Variants in IQCJ observed in about 807,000 individuals in gnomAD.
IQCJ encodes the protein IQ motif containing J.
In IQCJ, 9 loss-of-function variants were observed where a neutral mutation model predicts 11.0. That is an observed-to-expected ratio of 0.82 (90% CI 0.49 to 1.43). The LOEUF (loss-of-function observed/expected upper bound fraction) is 1.43. Among genes scored for constraint, IQCJ ranks in the 40% most tolerant of loss-of-function variants. IQCJ has a pLI of 0.00. For missense variants in IQCJ, 146 were observed against 133.2 expected (o/e 1.10, Z -0.47); for synonymous variants, 55 against 51.3 (o/e 1.07, Z -0.31).
chr3:159,156,883 C>T (rs1721553733), intron 1 of IQCJ, among the ~76,000 whole-genome samples: 1 of 152,134 alleles, frequency 6.6e-6, no homozygotes, highest in African/African-American at 2.4e-5. Flanking sequence ...ATTCATCTTC[C>T]AATTCAGCTA....
At chr3:159,134,484 G>A (rs1258154663) in intron 1 of IQCJ, among the ~76,000 whole-genome samples, 4 of 152,166 alleles carry the variant, frequency 2.6e-5, no homozygotes, top group African/African-American at 9.6e-5. Flanking sequence ...ATTTAGAATA[G>A]TTCTGCTTGT....
At chr3:159,171,392 T>C (rs1722479140) in intron 1 of IQCJ, among the ~76,000 whole-genome samples, 1 of 152,190 alleles carries the variant, frequency 6.6e-6, no homozygotes, top group Non-Finnish European at 1.5e-5. Context: ...AAAGAGCCCA[T>C]GAGTGCTTCT....
intron 1 of IQCJ, among the ~76,000 whole-genome samples, chr3:159,143,195 A>G (rs1334031680): frequency 1.3e-5 from 2 of 152,222 alleles, no homozygotes; most frequent in African/African-American, 4.8e-5. Context: ...AAATCACAGC[A>G]TCTTTGGTAG....
chr3:159,249,412 A>G (rs1727463557), intron 2 of IQCJ, among the ~76,000 whole-genome samples: 1 of 152,024 alleles, frequency 6.6e-6, no homozygotes, highest in African/African-American at 2.4e-5. Context: ...TTTTTTTTCA[A>G]TCCCGATTGA....
chr3:159,242,384 T>A (rs562528537), intron 1 of IQCJ, among the ~76,000 whole-genome samples: 1 of 152,144 alleles, frequency 6.6e-6, no homozygotes, highest in African/African-American at 2.4e-5. Flanking sequence ...TAGATCAGAG[T>A]TGAAGCAGCA....
At chr3:159,084,506 T>C (rs971438258) in intron 1 of IQCJ, among the ~76,000 whole-genome samples, 3 of 152,162 alleles carry the variant, frequency 2.0e-5, no homozygotes, top group African/African-American at 7.2e-5. Context: ...GACCTATCAC[T>C]GTGAGACATT....
intron 1 of IQCJ, among the ~76,000 whole-genome samples, chr3:159,235,925 G>A (rs984651722): frequency 3.3e-5 from 5 of 152,142 alleles, no homozygotes; most frequent in East Asian, 3.9e-4. Flanking sequence ...TTAATAATAA[G>A]TCCACTGTCG....
chr3:159,151,119 A>T (rs1007564850), intron 1 of IQCJ, among the ~76,000 whole-genome samples: 5 of 152,164 alleles, frequency 3.3e-5, no homozygotes, highest in Admixed American at 2.0e-4. Flanking sequence ...TGGGTGGCAG[A>T]TGTTCCCAGA....
chr3:159,128,135 A>C (rs1266404057), intron 1 of IQCJ, among the ~76,000 whole-genome samples: 1 of 152,190 alleles, frequency 6.6e-6, no homozygotes, highest in African/African-American at 2.4e-5. Flanking sequence ...GTTTGAATAA[A>C]CCACAGTCTA....
chr3:159,198,608 G>A (rs150921519), intron 1 of IQCJ, among the ~76,000 whole-genome samples: 2 of 152,278 alleles, frequency 1.3e-5, no homozygotes, highest in South Asian at 2.1e-4. Context: ...AGCTAGGAAG[G>A]GGATGAGTTA....
At chr3:159,175,131 A>G (rs1282305950) in intron 1 of IQCJ, among the ~76,000 whole-genome samples, 1 of 152,232 alleles carries the variant, frequency 6.6e-6, no homozygotes, top group Non-Finnish European at 1.5e-5. Context: ...GTACGATTCT[A>G]TGAGTTTTAA....
intron 2 of IQCJ, among the ~76,000 whole-genome samples, chr3:159,250,316 C>A: frequency 6.6e-6 from 1 of 152,040 alleles, no homozygotes; most frequent in Non-Finnish European, 1.5e-5. Context: ...TTAGGTCTGT[C>A]TTTGTTGCAT....
intron 3 of IQCJ, among the ~76,000 whole-genome samples, chr3:159,254,579 G>C (rs2595237): frequency 0.77 from 116,374 of 152,096 alleles, 45,653 homozygotes; most frequent in African/African-American, 0.91. Flanking sequence ...TTTGTCTGAT[G>C]TGGTTATTAA....
chr3:159,127,108 C>G (rs1033342404), intron 1 of IQCJ, among the ~76,000 whole-genome samples: 9 of 152,200 alleles, frequency 5.9e-5, no homozygotes, highest in African/African-American at 1.9e-4. Flanking sequence ...AATTTCATAA[C>G]AAGGAATTCC....
chr3:159,224,156 A>C (rs561551822), intron 1 of IQCJ, among the ~76,000 whole-genome samples: 3 of 152,108 alleles, frequency 2.0e-5, no homozygotes, highest in Non-Finnish European at 4.4e-5. Flanking sequence ...TGTCAGAGCA[A>C]ATAGCAACAA....
chr3:159,254,955 G>C (rs1311984748), intron 3 of IQCJ, among the ~76,000 whole-genome samples: 3 of 152,298 alleles, frequency 2.0e-5, no homozygotes, highest in African/African-American at 7.2e-5. Flanking sequence ...CCCTTGCTCT[G>C]CGGGGGCTTT....
At chr3:159,260,527 C>A (rs543790011) in intron 3 of IQCJ, among the ~76,000 whole-genome samples, 4 of 152,228 alleles carry the variant, frequency 2.6e-5, no homozygotes, top group Admixed American at 2.6e-4. Context: ...CTCTGGGATA[C>A]CCCAAGCAAC....
intron 1 of IQCJ, among the ~76,000 whole-genome samples, chr3:159,104,409 T>C (rs1173565411): frequency 6.6e-6 from 1 of 152,232 alleles, no homozygotes; most frequent in Non-Finnish European, 1.5e-5. Flanking sequence ...TGATGTGTGA[T>C]TCTTTATAAA....
intron 1 of IQCJ, among the ~76,000 whole-genome samples, chr3:159,121,173 G>A (rs541079499): frequency 6.9e-6 from 1 of 144,124 alleles, no homozygotes; most frequent in East Asian, 2.0e-4. Context: ...TTGCACTGTT[G>A]CCCAGGCTGA....
Sources: allele counts gnomAD v4.1 joint callset (sites outside exome capture counted in the v4.1 genomes callset), GRCh38; gene constraint gnomAD v4.1.1; transcripts MANE v1.5; gene names NCBI Gene and HGNC (gene_info 2026-07-23, HGNC 2026-07-21).